Variants in NRG1 observed in about 807,000 individuals in gnomAD.
NRG1 encodes pro-neuregulin-1, membrane-bound isoform.
In NRG1, 18 loss-of-function variants were observed where a neutral mutation model predicts 63.8. The ratio of observed to expected loss-of-function variants is 0.28; its 90% CI spans 0.19 to 0.42. The LOEUF is 0.42. NRG1 is among the 10% of genes least tolerant of loss of function. NRG1 has a pLI of 1.00. For missense variants in NRG1, 762 were observed against 814.7 expected (o/e 0.94, Z 0.79); for synonymous variants, 302 against 301.3 (o/e 1.00, Z -0.02).
At chr8:32,377,333 AC>A (rs1396370752) in intron 1 of NRG1, among the ~76,000 whole-genome samples, 1 of 152,178 alleles carries the variant, frequency 6.6e-6, no homozygotes, top group Non-Finnish European at 1.5e-5. Flanking sequence ...AACATTTTCC[AC>A]TACTAAGTGA....
At chr8:31,949,215 A>G (rs1299955798) in intron 1 of NRG1, among the ~76,000 whole-genome samples, 1 of 152,172 alleles carries the variant, frequency 6.6e-6, no homozygotes, top group East Asian at 1.9e-4. Context: ...ATTAGGTCTT[A>G]TTATACCTAT....
chr8:32,165,035 A>G (rs1478134633), intron 1 of NRG1, among the ~76,000 whole-genome samples: 2 of 151,978 alleles, frequency 1.3e-5, no homozygotes, highest in African/African-American at 4.8e-5. Flanking sequence ...CCCCCAACAC[A>G]CACAAACAAG....
chr8:32,535,292 A>G (rs13250975), intron 1 of NRG1, among the ~76,000 whole-genome samples: 23,416 of 152,188 alleles, frequency 0.15, 2,155 homozygotes, highest in Non-Finnish European at 0.19. Context: ...CCTTAGGAAC[A>G]TGTACATATT....
chr8:31,825,333 A>G (rs550487627), intron 1 of NRG1, among the ~76,000 whole-genome samples: 8 of 152,090 alleles, frequency 5.3e-5, no homozygotes, highest in Non-Finnish European at 1.2e-4. Flanking sequence ...GCTTGCAGTG[A>G]GCGGAGATCG....
rs34753789 is a variant in NRG1, at chr8:31,748,374, C to A, written c.37+108943C>A. The stretch of plus-strand genomic sequence containing the variant: ...ATTTCACAGATGAGAAGATTGAGGG[C>A]AAAGAAGTTAAGTATTTTGCTTATG... On this transcript the variant is annotated intron_variant, in intron 1 of 10. Transcript: ENST00000519301. 8.9e-3 allele frequency among the ~76,000 whole-genome samples: 1,359 copies of A among 151,912 alleles called. 11 individuals are homozygous for A. Among genetic ancestry groups the A allele is most frequent in the Non-Finnish European group, 0.015 (1,033 of 67,874 alleles).
chr8:32,196,735 G>A (rs1842983350), intron 1 of NRG1, among the ~76,000 whole-genome samples: 1 of 151,956 alleles, frequency 6.6e-6, no homozygotes, highest in Non-Finnish European at 1.5e-5. Flanking sequence ...TTCAAATAAA[G>A]CCAGGGTTGT....
At chr8:32,065,038 A>C (rs565090600) in intron 1 of NRG1, among the ~76,000 whole-genome samples, 1 of 152,158 alleles carries the variant, frequency 6.6e-6, no homozygotes, top group South Asian at 2.1e-4. Context: ...TTGCTTTATT[A>C]ATATATGGAA....
chr8:32,079,240 A>G (rs565840835), intron 1 of NRG1, among the ~76,000 whole-genome samples: 1 of 152,066 alleles, frequency 6.6e-6, no homozygotes, highest in South Asian at 2.1e-4. Context: ...AAGTATCCCT[A>G]AGAGTATTTG....
At chr8:31,744,044 C>T (rs1815595485) in intron 1 of NRG1, among the ~76,000 whole-genome samples, 2 of 151,982 alleles carry the variant, frequency 1.3e-5, no homozygotes, top group South Asian at 4.2e-4. Flanking sequence ...TTCTGAGATG[C>T]CTTTGCATTT....
intron 1 of NRG1, among the ~76,000 whole-genome samples, chr8:31,641,465 A>G (rs1460387939): frequency 6.6e-6 from 1 of 152,094 alleles, no homozygotes; most frequent in Non-Finnish European, 1.5e-5. Context: ...GGCCCTGAAG[A>G]AGAAGAATTT....
intron 5 of NRG1, among the ~76,000 whole-genome samples, chr8:32,687,357 G>T (rs1240976822): frequency 6.6e-6 from 1 of 152,134 alleles, no homozygotes; most frequent in African/African-American, 2.4e-5. Context: ...TGGCTGAAGT[G>T]GGTATGTGCA....
intron 1 of NRG1, among the ~76,000 whole-genome samples, chr8:32,196,064 A>G (rs1195679090): frequency 2.6e-5 from 4 of 152,064 alleles, no homozygotes; most frequent in Non-Finnish European, 5.9e-5. Flanking sequence ...TTACTTTTGT[A>G]CTAACCTAAT....
chr8:31,763,689 G>A (rs997208167), intron 1 of NRG1, among the ~76,000 whole-genome samples: 3 of 152,318 alleles, frequency 2.0e-5, no homozygotes, highest in African/African-American at 2.4e-5. Flanking sequence ...AGTGGCTCAC[G>A]CCTGTGATCC....
intron 2 of NRG1, among the ~76,000 whole-genome samples, chr8:32,597,655 G>T (rs534329433): frequency 6.6e-6 from 1 of 152,066 alleles, no homozygotes; most frequent in South Asian, 2.1e-4. Flanking sequence ...TCAAAAAAGT[G>T]TTCTGCTTTG....
intron 1 of NRG1, among the ~76,000 whole-genome samples, chr8:32,377,443 T>C (rs1053292110): frequency 6.6e-6 from 1 of 152,220 alleles, no homozygotes; most frequent in African/African-American, 2.4e-5. Context: ...CTGCACAGAA[T>C]TGACCCCTGT....
intron 1 of NRG1, among the ~76,000 whole-genome samples, chr8:32,485,177 C>T (rs1825761781): frequency 6.7e-6 from 1 of 148,776 alleles, no homozygotes; most frequent in Non-Finnish European, 1.5e-5. Flanking sequence ...TGTAATGGCG[C>T]AATCTTGGCT....
intron 1 of NRG1, among the ~76,000 whole-genome samples, chr8:32,227,766 C>T (rs1316566585): frequency 2.0e-5 from 3 of 152,168 alleles, no homozygotes; most frequent in African/African-American, 4.8e-5. Flanking sequence ...TTCTTTCTGG[C>T]CCCCTGCTTC....
chr8:32,016,162 G>C (rs763188097), intron 1 of NRG1, among the ~76,000 whole-genome samples: 1 of 152,086 alleles, frequency 6.6e-6, no homozygotes, highest in Non-Finnish European at 1.5e-5. Context: ...GCTGTTTCAG[G>C]TATAAATAAA....
intron 1 of NRG1, among the ~76,000 whole-genome samples, chr8:32,082,549 A>G (rs1827627825): frequency 6.6e-6 from 1 of 152,168 alleles, no homozygotes; most frequent in Non-Finnish European, 1.5e-5. Flanking sequence ...AAAATAAAGC[A>G]CTACCCTTGA....
Sources: gnomAD v4.1 joint callset for allele counts (sites outside exome capture counted in the v4.1 genomes callset) on GRCh38, gnomAD v4.1.1 for gene constraint, MANE v1.5 for transcripts, NCBI Gene and HGNC (gene_info 2026-07-23, HGNC 2026-07-21) for gene names.